Variants in SOCS5 observed in about 807,000 individuals in gnomAD.
SOCS5 encodes the protein CIS-6.
SOCS5 carries 32 observed loss-of-function variants against 42.8 expected under a neutral mutation model. The ratio of observed to expected loss-of-function variants is 0.75; its 90% CI spans 0.56 to 1.01. The LOEUF (loss-of-function observed/expected upper bound fraction) is 1.01. Among genes scored for constraint, SOCS5 ranks in the 50% least tolerant of loss-of-function variants. SOCS5 has a pLI of 0.00. For missense variants in SOCS5, 627 were observed against 653.0 expected (o/e 0.96, Z 0.43); for synonymous variants, 283 against 229.6 (o/e 1.23, Z -2.10).
At chr2:46,716,636 C>G (rs984088859) in intron 1 of SOCS5, among the ~76,000 whole-genome samples, 3 of 152,064 alleles carry the variant, frequency 2.0e-5, no homozygotes, top group Non-Finnish European at 2.9e-5. Context: ...CACCACCACA[C>G]CCAGCTAATA....
intron 1 of SOCS5, among the ~76,000 whole-genome samples, chr2:46,754,175 A>G (rs1016897483): frequency 3.9e-5 from 6 of 152,128 alleles, no homozygotes; most frequent in Non-Finnish European, 7.4e-5. Context: ...CTTTCAGAGT[A>G]GGTCTACTAG....
chr2:46,700,591 C>G (rs901168379), intron 1 of SOCS5, among the ~76,000 whole-genome samples: 1 of 152,156 alleles, frequency 6.6e-6, no homozygotes, highest in African/African-American at 2.4e-5. Context: ...AATATTTTAA[C>G]TTGTGTTGAC....
At chr2:46,702,663 C>T (rs1010347862) in intron 1 of SOCS5, among the ~76,000 whole-genome samples, 5 of 152,160 alleles carry the variant, frequency 3.3e-5, no homozygotes, top group Admixed American at 6.5e-5. Flanking sequence ...ATTTTGATGA[C>T]TTCATTCATT....
Position 46,759,053 on chromosome 2 carries a change from C to T in SOCS5, c.523C>T (p.Arg175Cys), listed in dbSNP as rs776450161. ...DSVSSRTVGS[R>C]SLRQRLQDTV... ...TGTTTCCAGCAGAACTGTAGGAAGT[C>T]GCTCTCTAAGACAGAGGTTGCAGGA... Residue 175 changes from arginine to cysteine, a missense_variant, in exon 2 of 2, where the codon CGC becomes TGC. Around this residue, in one of 3 missense-constraint regions of SOCS5, gnomAD observed 278 missense variants for 246.3 expected, o/e 1.13. Coordinates refer to ENST00000394861, the MANE Select transcript of SOCS5 (RefSeq NM_144949.3). 28 of 1,613,840 alleles carry T rather than the reference C, an allele frequency of 1.7e-5. No homozygotes were observed. Among genetic ancestry groups the T allele is most frequent in the South Asian group, 5.5e-5 (5 of 91,084 alleles).
In SOCS5 at chr2:46,753,657, A is replaced by G. The variant is rs1673673513; in HGVS notation, c.-12-4862A>G. On this transcript the variant is annotated intron_variant, in intron 1 of 1. Transcript: ENST00000394861. ...ACAGGAATAAAATAATGGTTACTCC[A>G]TAGGCAGAGCAGCAGCATGGACTGC... Among the ~76,000 whole-genome samples, 7 of 152,216 alleles carry G rather than the reference A, an allele frequency of 4.6e-5. No homozygotes were observed. The South Asian group carries it at 1.4e-3, about 32-fold the overall frequency.
Position 46,758,764 on chromosome 2 carries a change from A to G in SOCS5, c.234A>G (p.Arg78=). Residue 78 remains arginine (R), a synonymous_variant, in exon 2 of 2, where the codon AGA becomes AGG. Transcript: ENST00000394861. The part of the protein sequence containing the change: ...GLSPSKNSSR[R]NQNCATEIPQ... ...GCCCTTCGAAGAATTCTTCAAGGAG[A>G]AATCAAAATTGTGCCACAGAAATCC... 1 of 1,614,202 alleles carries G rather than the reference A, an allele frequency of 6.2e-7. No homozygotes were observed. Among genetic ancestry groups the G allele is most frequent in the South Asian group, 1.1e-5 (1 of 91,084 alleles).
At chr2:46,725,832 T>C (rs1295442829) in intron 1 of SOCS5, among the ~76,000 whole-genome samples, 2 of 152,174 alleles carry the variant, frequency 1.3e-5, no homozygotes, top group East Asian at 3.8e-4. Context: ...TAATTTTACC[T>C]TTATTCAAAA....
chr2:46,760,147 C>G lies in SOCS5; in HGVS notation c.*6C>G. 1.2e-6 allele frequency: 2 copies of G among 1,606,644 alleles called. No homozygotes were observed. The highest frequency in any genetic ancestry group is 1.7e-6 in the Non-Finnish European group (2 of 1,175,844). ...AACCAGTCAAGGCAAAGTAAACTCT[C>G]CGGTCCCCAAAGGTTGTTAACTAGG... On this transcript the variant is annotated 3_prime_UTR_variant, in exon 2 of 2. Coordinates refer to ENST00000394861, the MANE Select transcript of SOCS5 (RefSeq NM_144949.3).
intron 1 of SOCS5, among the ~76,000 whole-genome samples, chr2:46,750,076 G>A (rs1338016970): frequency 6.6e-6 from 1 of 152,114 alleles, no homozygotes. Flanking sequence ...GCTAATTTAG[G>A]TTCAGAAATA....
chr2:46,702,798 C>T lies in SOCS5; in HGVS notation c.-13+3349C>T, dbSNP rs777247642. Among the ~76,000 whole-genome samples, 39 of 152,298 alleles carry T rather than the reference C, an allele frequency of 2.6e-4. No individual in the cohort carries two copies. In the Middle Eastern group the frequency reaches 0.01, roughly 40 times the overall value. ...CATGTGTTTTAGCAAATGTTTTTGACGGTGACAGTTTGAGTTATAAGTTAT... is the reference window on the plus strand; with the variant it reads ...CATGTGTTTTAGCAAATGTTTTTGATGGTGACAGTTTGAGTTATAAGTTAT... On this transcript the variant is annotated intron_variant, in intron 1 of 1. Transcript: ENST00000394861.
At chr2:46,724,377 A>G (rs991842157) in intron 1 of SOCS5, among the ~76,000 whole-genome samples, 3 of 152,046 alleles carry the variant, frequency 2.0e-5, no homozygotes, top group Non-Finnish European at 2.9e-5. Flanking sequence ...GGCTTTCACC[A>G]TTAAGCATGA....
At chr2:46,734,885 C>G (rs1037034170) in intron 1 of SOCS5, among the ~76,000 whole-genome samples, 16 of 152,152 alleles carry the variant, frequency 1.1e-4, no homozygotes, top group Non-Finnish European at 1.5e-4. Context: ...GTTGCTTTGT[C>G]TTTTACTTGA....
intron 1 of SOCS5, among the ~76,000 whole-genome samples, chr2:46,751,051 A>G (rs1673610997): frequency 6.6e-6 from 1 of 152,140 alleles, no homozygotes; most frequent in East Asian, 1.9e-4. Flanking sequence ...GAGAAGCTGA[A>G]TAGACCAAAT....
At chr2:46,735,696 A>G (rs1313839031) in intron 1 of SOCS5, among the ~76,000 whole-genome samples, 1 of 152,092 alleles carries the variant, frequency 6.6e-6, no homozygotes, top group Non-Finnish European at 1.5e-5. Flanking sequence ...GGATAAAGAC[A>G]TTTGGGAAGA....
chr2:46,707,834 G>C (rs1316143767), intron 1 of SOCS5, among the ~76,000 whole-genome samples: 1 of 152,192 alleles, frequency 6.6e-6, no homozygotes, highest in African/African-American at 2.4e-5. Flanking sequence ...CATTAGGTCA[G>C]AAATGCATTT....
At chr2:46,736,307 T>C (rs1673245127) in intron 1 of SOCS5, among the ~76,000 whole-genome samples, 1 of 152,176 alleles carries the variant, frequency 6.6e-6, no homozygotes. Flanking sequence ...CCTCCCAAAG[T>C]GCTGGGATGA....
chr2:46,750,669 A>G (rs912290102), intron 1 of SOCS5, among the ~76,000 whole-genome samples: 1 of 152,336 alleles, frequency 6.6e-6, no homozygotes, highest in South Asian at 2.1e-4. Flanking sequence ...TCTGAGCGGT[A>G]TACAGGCCTA....
intron 1 of SOCS5, among the ~76,000 whole-genome samples, chr2:46,728,701 G>T (rs1456861390): frequency 2.6e-5 from 4 of 152,108 alleles, no homozygotes; most frequent in Non-Finnish European, 5.9e-5. Context: ...GACTACAAGT[G>T]TGTGCCACCA....
At chr2:46,726,534 C>G (rs182146285) in intron 1 of SOCS5, among the ~76,000 whole-genome samples, 1 of 152,242 alleles carries the variant, frequency 6.6e-6, no homozygotes, top group East Asian at 1.9e-4. Flanking sequence ...ACTCTCCTTT[C>G]AGGATACCAG....
Sources: allele counts gnomAD v4.1 joint callset (sites outside exome capture counted in the v4.1 genomes callset), GRCh38; gene constraint gnomAD v4.1.1; regional missense constraint gnomAD v4.1.1; transcripts MANE v1.5; gene names NCBI Gene and HGNC (gene_info 2026-07-23, HGNC 2026-07-21).